Variants in CFAP47 observed in about 807,000 individuals in gnomAD.
CFAP47 encodes cilia- and flagella-associated protein 47.
Under a neutral mutation model 148.1 loss-of-function variants are expected in CFAP47, and 29 were observed. The observed-to-expected ratio is 0.20, with a 90% CI of 0.15 to 0.27. The LOEUF (loss-of-function observed/expected upper bound fraction) is 0.27, where lower values mean the gene tolerates loss of function less well. Ranked by LOEUF, CFAP47 falls within the 10% of genes least tolerant of loss-of-function variation. The probability of loss-of-function intolerance (pLI) is 1.00; values close to 1 mark genes in which losing one functional copy is unlikely to be tolerated. For synonymous variants in CFAP47, 664 were observed against 577.3 expected (o/e 1.15, Z -2.15); for missense variants, 1,872 against 1,697.5 (o/e 1.10, Z -1.81).
intron 57 of CFAP47, among the ~76,000 whole-genome samples, chrX:36,320,254 G>A (rs782707076): frequency 1.8e-5 from 2 of 111,966 alleles, no homozygotes; most frequent in East Asian, 5.6e-4. Context: ...CAATAACAAT[G>A]TTTTAAAAAT....
At chrX:36,330,968 T>C (rs1429276616) in intron 57 of CFAP47, among the ~76,000 whole-genome samples, 1 of 111,371 alleles carries the variant, frequency 9.0e-6, no homozygotes, top group East Asian at 2.8e-4. Context: ...ACAATATCAA[T>C]ATATATAAAT....
chrX:36,231,965 A>T (rs1555992808), intron 46 of CFAP47, among the ~76,000 whole-genome samples: 4 of 111,343 alleles, frequency 3.6e-5, no homozygotes, highest in African/African-American at 9.8e-5. Flanking sequence ...GATGAAGCCC[A>T]CTTGATCATG....
intron 39 of CFAP47, 60 bp downstream of exon 39, chrX:36,160,829 C>T: frequency 8.2e-6 from 2 of 244,319 alleles, no homozygotes; most frequent in Non-Finnish European, 7.2e-6. Context: ...TCTGAAGAGA[C>T]ATATGTGATT....
At chrX:36,223,517 A>G (rs1940236381) in intron 45 of CFAP47, among the ~76,000 whole-genome samples, 1 of 111,649 alleles carries the variant, frequency 9.0e-6, no homozygotes, top group African/African-American at 3.2e-5. Flanking sequence ...TTAATAATAT[A>G]CCAAAAACAA....
At chrX:36,143,089 T>A (rs1199771918) in intron 35 of CFAP47, among the ~76,000 whole-genome samples, 1 of 112,315 alleles carries the variant, frequency 8.9e-6, no homozygotes, top group Non-Finnish European at 1.9e-5. Flanking sequence ...CTTTAAAGAA[T>A]GTGAGACCAC....
intron 62 of CFAP47, among the ~76,000 whole-genome samples, chrX:36,371,742 G>A (rs1478770032): frequency 5.3e-5 from 3 of 56,933 alleles, no homozygotes; most frequent in African/African-American, 7.7e-5. Flanking sequence ...GTGTATATAT[G>A]TGTGTATATA....
At chrX:35,993,403 G>C (rs1936810251) in intron 18 of CFAP47, 82 bp downstream of exon 18, 2 of 276,414 alleles carry the variant, frequency 7.2e-6, no homozygotes, top group Admixed American at 6.4e-5. Context: ...ATAATGGTAG[G>C]TATAATGCTA....
intron 26 of CFAP47, among the ~76,000 whole-genome samples, chrX:36,055,105 T>TG (rs1937544873): frequency 1.1e-5 from 1 of 91,986 alleles, no homozygotes; most frequent in Non-Finnish European, 2.0e-5. Flanking sequence ...TTTTTTCTTA[T>TG]TTTTTTTTTT....
chrX:36,213,982 T>C (rs5973610), intron 45 of CFAP47, among the ~76,000 whole-genome samples: 5,326 of 111,600 alleles, frequency 0.048, 359 homozygotes, highest in African/African-American at 0.17. Context: ...ACAACTTACC[T>C]CTGTGAATAC....
chrX:36,063,198 A>G lies in CFAP47; in HGVS notation c.4218-2445A>G, dbSNP rs538678475. Among the ~76,000 whole-genome samples, 22 of 111,534 alleles carry G rather than the reference A, an allele frequency of 2.0e-4. No individual in the cohort carries two copies. In the South Asian group the frequency reaches 8.2e-3, roughly 42 times the overall value. On this transcript the variant is annotated intron_variant, in intron 26 of 63. Transcript: ENST00000378653. ...GTAATACTGAGTATTTTTTAGAGCA[A>G]TTCCTCTGTCAGTAACCATTTGTGT...
chrX:35,950,354 G>T (rs766304261), intron 4 of CFAP47, among the ~76,000 whole-genome samples: 2 of 111,709 alleles, frequency 1.8e-5, no homozygotes, highest in Admixed American at 1.9e-4. Flanking sequence ...TTTCAGCAAA[G>T]AAGTGGGATT....
intron 26 of CFAP47, among the ~76,000 whole-genome samples, chrX:36,062,226 A>G (rs1456503844): frequency 7.2e-5 from 8 of 111,596 alleles, no homozygotes; most frequent in Admixed American, 6.7e-4. Context: ...TGATAAATAT[A>G]ATATCATGAT....
chrX:36,165,669 A>G (rs991041311), intron 39 of CFAP47, among the ~76,000 whole-genome samples: 1 of 111,976 alleles, frequency 8.9e-6, no homozygotes, highest in Non-Finnish European at 1.9e-5. Context: ...ACAAAACACC[A>G]CAGATCAGAT....
intron 49 of CFAP47, among the ~76,000 whole-genome samples, chrX:36,263,092 T>A (rs782017499): frequency 1.8e-5 from 2 of 112,452 alleles, no homozygotes. Context: ...TTTGAGCTCC[T>A]TATATATTCT....
intron 28 of CFAP47, among the ~76,000 whole-genome samples, chrX:36,072,816 T>C (rs960129384): frequency 8.9e-6 from 1 of 111,792 alleles, no homozygotes; most frequent in Admixed American, 9.6e-5. Flanking sequence ...ATGCTGAAGA[T>C]TGTCAATACA....
intron 8 of CFAP47, among the ~76,000 whole-genome samples, chrX:35,957,641 C>G (rs1254258647): frequency 1.8e-5 from 2 of 111,634 alleles, no homozygotes; most frequent in African/African-American, 6.5e-5. Flanking sequence ...TTAAACCTAC[C>G]GACTCAATTA....
At chrX:36,330,782 T>G (rs1569319263) in intron 57 of CFAP47, among the ~76,000 whole-genome samples, 1 of 111,820 alleles carries the variant, frequency 8.9e-6, no homozygotes, top group African/African-American at 3.2e-5. Flanking sequence ...CTTCCGTTAC[T>G]AAGACTAAAT....
chrX:35,998,704 A>G lies in CFAP47; in HGVS notation c.3177+1315A>G, dbSNP rs73468940. On this transcript the variant is annotated intron_variant, in intron 19 of 63. Coordinates refer to ENST00000378653, the MANE Select transcript of CFAP47 (RefSeq NM_001304548.2). ...CCTTTCTTTATTCAGTGGTGAAGGC[A>G]TAAGTCCAGGTAGACTGACAAATAC... is the stretch of plus-strand genomic sequence containing the variant. 3.5e-3 allele frequency among the ~76,000 whole-genome samples: 390 copies of G among 111,711 alleles called. 1 individual carries two copies. Among genetic ancestry groups the G allele is most frequent in the African/African-American group, 0.012 (365 of 30,778 alleles).
At chrX:36,352,264 C>T (rs1602121742) in intron 59 of CFAP47, among the ~76,000 whole-genome samples, 3 of 110,963 alleles carry the variant, frequency 2.7e-5, no homozygotes, top group South Asian at 7.5e-4. Context: ...GCCTTGATAC[C>T]GAAGATAGTT....
Sources: allele counts gnomAD v4.1 joint callset (sites outside exome capture counted in the v4.1 genomes callset), GRCh38; gene constraint gnomAD v4.1.1; transcripts MANE v1.5; gene names NCBI Gene and HGNC (gene_info 2026-07-23, HGNC 2026-07-21).